The following MROH1 variants were observed in gnomAD, a reference collection of about 807,000 sequenced individuals.
MROH1 encodes the protein maestro heat like repeat family member 1.
MROH1 carries 117 observed loss-of-function variants against 116.5 expected under a neutral mutation model. The ratio of observed to expected loss-of-function variants is 1.00; its 90% confidence interval spans 0.86 to 1.17. The LOEUF (loss-of-function observed/expected upper bound fraction) is 1.17, where lower values mean the gene tolerates loss of function less well. Among genes scored for constraint, MROH1 ranks in the 50% most tolerant of loss-of-function variants. The probability of loss-of-function intolerance (pLI) is 0.00; values close to 1 mark genes in which losing one functional copy is unlikely to be tolerated. For synonymous variants in MROH1, 921 were observed against 583.9 expected (o/e 1.58, Z -8.32); for missense variants, 1,873 against 1,338.5 (o/e 1.40, Z -6.23).
chr8:144,235,759 G>A (rs1839934809), intron 14 of MROH1, among the ~76,000 whole-genome samples: 1 of 152,168 alleles, frequency 6.6e-6, no homozygotes, highest in Non-Finnish European at 1.5e-5. Flanking sequence ...GGATTTTCAT[G>A]TCTATGTAAG....
At chr8:144,232,013 GTTCT>G (rs1317087297) in intron 14 of MROH1, among the ~76,000 whole-genome samples, 7 of 152,302 alleles carry the variant, frequency 4.6e-5, no homozygotes, top group South Asian at 2.1e-4. Flanking sequence ...TTGCATGTTG[GTTCT>G]TTCTTTATGC....
At chr8:144,192,873 T>G in intron 10 of MROH1, 1 of 329,472 alleles carries the variant, frequency 3.0e-6, no homozygotes, top group South Asian at 2.3e-5. Flanking sequence ...GTCGGGTGAA[T>G]GAGGCTGAGA....
intron 14 of MROH1, among the ~76,000 whole-genome samples, chr8:144,227,917 C>T (rs561976885): frequency 8.2e-4 from 111 of 135,262 alleles, no homozygotes; most frequent in African/African-American, 2.9e-3. Flanking sequence ...CACACCACTG[C>T]GCTCCCGCCT....
chr8:144,191,572 T>C, intron 8 of MROH1, 143 bp from the exon 9 acceptor site: 2 of 1,118,546 alleles, frequency 1.8e-6, no homozygotes, highest in Non-Finnish European at 2.5e-6. Flanking sequence ...GACCTCTGGG[T>C]GCTAGGCTCA....
At chr8:144,227,835 C>T (rs1838092283) in intron 14 of MROH1, among the ~76,000 whole-genome samples, 1 of 152,022 alleles carries the variant, frequency 6.6e-6, no homozygotes, top group African/African-American at 2.4e-5. Flanking sequence ...TGCCTCAGGT[C>T]CCAGCCACTC....
intron 4 of MROH1, among the ~76,000 whole-genome samples, chr8:144,174,526 T>C (rs1271017584): frequency 6.6e-6 from 1 of 151,234 alleles, no homozygotes; most frequent in African/African-American, 2.4e-5. Context: ...CTCTGTTGCC[T>C]AGGCTGGAGT....
At chr8:144,259,051 T>C in intron 36 of MROH1, 137 bp downstream of exon 36, 1 of 645,924 alleles carries the variant, frequency 1.5e-6, no homozygotes, top group South Asian at 1.7e-5. Flanking sequence ...GTTCACTCTC[T>C]GGGGCAGGGG....
chr8:144,260,281 G>A lies in MROH1; in HGVS notation c.4287G>A (p.Leu1429=), dbSNP rs1844772904. ...PHSPVALEAM[L]GLARLVHLVE... is the part of the protein sequence containing the mutation. ...GCCCAGTGGCCCTGGAGGCCATGCT[G>A]GGCCTTGCGAGGCTGGTGCACCTGG... The change falls in exon 39 of 44, where the codon CTG becomes CTA. Residue 1429 remains leucine, a synonymous_variant. Transcript: ENST00000326134. 7 of 763,514 alleles carry A rather than the reference G, an allele frequency of 9.2e-6. No homozygotes were observed. Among genetic ancestry groups the A allele is most frequent in the African/African-American group, 6.8e-5 (4 of 59,016 alleles). The allele number at this position is 763,514 out of a possible 1,614,324, so 47.3% of individuals were successfully genotyped here.
Position 144,260,273 on chromosome 8 carries a change from G to T in MROH1, c.4279G>T (p.Ala1427Ser). Residue 1427 changes from alanine to serine, a missense_variant, in exon 39 of 44, where the codon GCC becomes TCC. Ala to Ser is a moderately conservative substitution (Grantham distance 99). Transcript: ENST00000326134. ...DNPHSPVALE[A>S]MLGLARLVHL... ...CCCTCACAGCCCAGTGGCCCTGGAGGCCATGCTGGGCCTTGCGAGGCTGGT... is the reference window on the plus strand; with the variant it reads ...CCCTCACAGCCCAGTGGCCCTGGAGTCCATGCTGGGCCTTGCGAGGCTGGT... The T allele has an allele frequency of 1.3e-6, 1 of 765,160 alleles. No individual in the cohort carries two copies. The highest frequency in any genetic ancestry group is 2.4e-6 in the Non-Finnish European group (1 of 416,622). The allele number at this position is 765,160 out of a possible 1,614,324, so 47.4% of individuals were successfully genotyped here.
intron 14 of MROH1, among the ~76,000 whole-genome samples, chr8:144,223,860 G>A (rs539300691): frequency 3.4e-4 from 52 of 152,308 alleles, no homozygotes; most frequent in Non-Finnish European, 6.3e-4. Flanking sequence ...CAGACACGCC[G>A]CCCTCCTTGT....
intron 3 of MROH1, among the ~76,000 whole-genome samples, chr8:144,165,623 G>A (rs1820619810): frequency 6.6e-6 from 1 of 152,030 alleles, no homozygotes; most frequent in South Asian, 2.1e-4. Flanking sequence ...CGCTTATGCT[G>A]GAGTGTGGTG....
chr8:144,190,792 C>T lies in MROH1; in HGVS notation c.571C>T (p.Arg191Cys), dbSNP rs761582029. ...VRVAFCSALQ[R>C]FSEGALEYLA... ...ACTGGCCGGTTTTGTAGCTCTGCAG[C>T]GCTTCAGCGAGGGTGCCCTGGAGTA... The change falls in exon 8 of 44, where the codon CGC becomes TGC. Residue 191 changes from arginine (R) to cysteine (C), a missense_variant. Arg to Cys is a radical substitution (Grantham distance 180, BLOSUM62 -3). Transcript: ENST00000326134. 49 of 1,613,184 alleles carry T rather than the reference C, an allele frequency of 3.0e-5. No homozygotes were observed. In the Middle Eastern group the frequency reaches 6.6e-4, roughly 22 times the overall value.
intron 14 of MROH1, among the ~76,000 whole-genome samples, chr8:144,229,453 A>G (rs542764775): frequency 6.8e-6 from 1 of 148,066 alleles, no homozygotes; most frequent in Admixed American, 6.9e-5. Context: ...GCTCCATCAC[A>G]GCTCACTGCA....
chr8:144,164,310 C>T (rs1312010875), intron 3 of MROH1, among the ~76,000 whole-genome samples: 2 of 149,806 alleles, frequency 1.3e-5, no homozygotes, highest in Non-Finnish European at 3.0e-5. Context: ...GAGGCTGAGA[C>T]AGGAGAATCG....
At chr8:144,205,083 T>C (rs1407315391) in intron 12 of MROH1, among the ~76,000 whole-genome samples, 3 of 152,204 alleles carry the variant, frequency 2.0e-5, no homozygotes, top group Admixed American at 1.3e-4. Context: ...TGTTATGAGG[T>C]CCTGCTTTGT....
At chr8:144,260,563 G>A (rs1017375183) in intron 39 of MROH1, 114 bp from the exon 40 acceptor site, 86 of 760,946 alleles carry the variant, frequency 1.1e-4, no homozygotes, top group African/African-American at 5.2e-4. Context: ...CCCACCCGTC[G>A]GGGTGTTTCC....
chr8:144,169,492 G>C (rs1821888682), intron 4 of MROH1, among the ~76,000 whole-genome samples: 1 of 143,412 alleles, frequency 7.0e-6, no homozygotes, highest in Non-Finnish European at 1.5e-5. Flanking sequence ...TCACTCTGTT[G>C]CCCGGGCTGG....
chr8:144,240,398 G>T (rs1278452252), intron 19 of MROH1, among the ~76,000 whole-genome samples, 172 bp from the exon 20 acceptor site: 1 of 152,168 alleles, frequency 6.6e-6, no homozygotes. Context: ...ACCCTGCCTG[G>T]TGAGCCAACT....
At chr8:144,261,259 C>T (rs1844997219) in intron 42 of MROH1, 25 bp from the exon 43 acceptor site, 1 of 752,056 alleles carries the variant, frequency 1.3e-6, no homozygotes, top group Non-Finnish European at 2.4e-6. Context: ...GCCCGGCAGC[C>T]CCGCCTGATG....
Sources: allele counts gnomAD v4.1 joint callset (sites outside exome capture counted in the v4.1 genomes callset), GRCh38; gene constraint gnomAD v4.1.1; transcripts MANE v1.5; gene names NCBI Gene and HGNC (gene_info 2026-07-23, HGNC 2026-07-21).